Variants in ZFR observed in about 807,000 individuals in gnomAD.
The protein encoded by ZFR is zinc finger RNA-binding protein.
A neutral mutation model predicts 130.7 loss-of-function variants in ZFR; 19 were observed. The observed-to-expected ratio is 0.15, with a 90% CI of 0.10 to 0.21. The LOEUF (loss-of-function observed/expected upper bound fraction) is 0.21, where lower values mean the gene tolerates loss of function less well. Ranked by LOEUF, ZFR falls within the 10% of genes least tolerant of loss-of-function variation. The pLI is 1.00. For missense variants in ZFR, 872 were observed against 1,321.5 expected, an observed-to-expected ratio of 0.66 and a Z score of 5.27; for synonymous variants, 466 against 456.9, an observed-to-expected ratio of 1.02 and a Z score of -0.25.
intron 2 of ZFR, among the ~76,000 whole-genome samples, 172 bp downstream of exon 2, chr5:32,444,053 GGCAA>G: frequency 1.5e-5 from 2 of 130,092 alleles, no homozygotes; most frequent in Admixed American, 1.6e-4. Flanking sequence ...GGCCGGGCCG[GGCAA>G]GGCGGGGCGG....
intron 10 of ZFR, 63 bp downstream of exon 10, chr5:32,397,156 G>A: frequency 1.3e-6 from 2 of 1,535,056 alleles, no homozygotes; most frequent in Non-Finnish European, 1.8e-6. Flanking sequence ...CATAAAGAAT[G>A]CTCTGGGTGT....
At position 32,385,554 on chromosome 5, in the gene ZFR, G is replaced by A. The variant is rs1378431270; in HGVS notation, c.2595C>T (p.Ile865=). 6.2e-7 allele frequency: 1 copy of A among 1,613,426 alleles called. No homozygotes were observed. Among genetic ancestry groups the A allele is most frequent in the East Asian group, 2.2e-5 (1 of 44,840 alleles). The change falls in exon 15 of 20, where the codon ATC becomes ATT. Residue 865 remains isoleucine, a synonymous_variant. Coordinates refer to ENST00000265069, the MANE Select transcript of ZFR (RefSeq NM_016107.5). ...SCVEPKMQVT[I]TLTSPIIREE... ...CTCGAATAATTGGAGATGTCAGTGT[G>A]ATAGTGACTTGCATTTTGGGTTCCA...
At chr5:32,383,429 G>A (rs1752975060) in intron 15 of ZFR, among the ~76,000 whole-genome samples, 2 of 152,172 alleles carry the variant, frequency 1.3e-5, no homozygotes, top group Non-Finnish European at 2.9e-5. Context: ...AAGGGTTAGA[G>A]CATTCTGAAC....
Position 32,403,942 on chromosome 5 carries a change from C to T in ZFR, c.1188G>A (p.Ala396=), listed in dbSNP as rs1178525859. 10 of 1,604,472 alleles carry T rather than the reference C, an allele frequency of 6.2e-6. No individual in the cohort carries two copies. The highest frequency in any genetic ancestry group is 6.8e-6 in the Non-Finnish European group (8 of 1,175,348). Residue 396 remains alanine, a synonymous_variant, in exon 7 of 20, where the codon GCG becomes GCA. Transcript: ENST00000265069. ...TAGCACCACGAATGTGGGCAGCATA[C>T]GCATCTGCTCCTGTACAAGACACAT... ...LCDVSCTGAD[A]YAAHIRGAKH... is the part of the protein sequence containing the mutation.
chr5:32,435,450 C>G (rs1157026934), intron 2 of ZFR, among the ~76,000 whole-genome samples: 1 of 152,046 alleles, frequency 6.6e-6, no homozygotes, highest in Non-Finnish European at 1.5e-5. Flanking sequence ...ACTAGGATAA[C>G]CAGATATTCT....
At chr5:32,373,637 A>C (rs1254197540) in intron 17 of ZFR, among the ~76,000 whole-genome samples, 3 of 152,146 alleles carry the variant, frequency 2.0e-5, no homozygotes, top group African/African-American at 7.2e-5. Context: ...ATAAGGTAAT[A>C]AGTTATTAAT....
intron 19 of ZFR, among the ~76,000 whole-genome samples, chr5:32,356,198 CAAA>C (rs1752303959): frequency 1.3e-5 from 2 of 151,362 alleles, no homozygotes; most frequent in Non-Finnish European, 2.9e-5. Context: ...CACAAAATTA[CAAA>C]AATTATGAGA....
At chr5:32,376,364 G>C (rs759559169) in intron 17 of ZFR, among the ~76,000 whole-genome samples, 1 of 152,054 alleles carries the variant, frequency 6.6e-6, no homozygotes, top group Non-Finnish European at 1.5e-5. Context: ...CAAAGGAGAT[G>C]TGCCAGGCAC....
intron 4 of ZFR, among the ~76,000 whole-genome samples, chr5:32,415,785 T>C (rs868741624): frequency 1.3e-5 from 2 of 152,142 alleles, no homozygotes; most frequent in South Asian, 4.1e-4. Flanking sequence ...GTCAACTTCT[T>C]TGCTGCCTCT....
intron 2 of ZFR, among the ~76,000 whole-genome samples, chr5:32,430,113 C>A (rs1235648407): frequency 1.4e-5 from 2 of 138,746 alleles, no homozygotes; most frequent in African/African-American, 5.3e-5. Context: ...CACGATAAAA[C>A]CCAAGGGAAA....
intron 15 of ZFR, among the ~76,000 whole-genome samples, chr5:32,385,273 A>G (rs902201099): frequency 3.9e-5 from 6 of 152,106 alleles, no homozygotes; most frequent in Admixed American, 6.5e-5. Context: ...GCAAGAAAAG[A>G]AAGAAATCAA....
At chr5:32,356,034 G>C in intron 19 of ZFR, 95 bp from the exon 20 acceptor site, 1 of 952,158 alleles carries the variant, frequency 1.1e-6, no homozygotes, top group South Asian at 2.5e-5. Context: ...ACCTAAAAAA[G>C]CATGTGTAAT....
chr5:32,443,789 C>T (rs1429137503), intron 2 of ZFR, among the ~76,000 whole-genome samples: 1 of 152,242 alleles, frequency 6.6e-6, no homozygotes, highest in African/African-American at 2.4e-5. Flanking sequence ...AGTGGACCTG[C>T]GACACGGCAC....
chr5:32,410,650 G>T (rs554479023), intron 5 of ZFR, among the ~76,000 whole-genome samples: 87 of 152,160 alleles, frequency 5.7e-4, no homozygotes, highest in African/African-American at 2.1e-3. Context: ...AGAAGAGCTG[G>T]CATATAGCTT....
chr5:32,397,111 G>A, intron 10 of ZFR, 108 bp downstream of exon 10: 1 of 1,278,684 alleles, frequency 7.8e-7, no homozygotes, highest in South Asian at 1.8e-5. Context: ...GGGACATCAT[G>A]GACTTGGCAA....
chr5:32,369,249 G>A (rs1452239637), intron 17 of ZFR, among the ~76,000 whole-genome samples: 1 of 152,052 alleles, frequency 6.6e-6, no homozygotes, highest in African/African-American at 2.4e-5. Context: ...TGAGATGTCA[G>A]TGTCCTATCA....
chr5:32,371,882 T>C (rs1472803311), intron 17 of ZFR, among the ~76,000 whole-genome samples: 2 of 151,000 alleles, frequency 1.3e-5, no homozygotes, highest in African/African-American at 2.4e-5. Flanking sequence ...AAAAACTTCA[T>C]AGAGCCCCAA....
rs869249272 is a variant in ZFR, at chr5:32,438,253, A to ATT, written c.137+5974_137+5975dup. Among the ~76,000 whole-genome samples, 195 of 61,050 alleles carry ATT rather than the reference A, an allele frequency of 3.2e-3. 4 individuals carry two copies. Among genetic ancestry groups the ATT allele is most frequent in the African/African-American group, 7.3e-3 (102 of 13,950 alleles). The allele number at this position is 61,050 out of a possible 152,430, so 40.1% of individuals were successfully genotyped here. ...AGAATGCTACTGATTTTATCTGAAA[A>ATT]TTTTTTTTTTTTTTTTTTTTTTTTT... On this transcript the variant is annotated intron_variant, in intron 2 of 19. Coordinates refer to ENST00000265069, the MANE Select transcript of ZFR (RefSeq NM_016107.5).
intron 17 of ZFR, among the ~76,000 whole-genome samples, chr5:32,375,845 T>C (rs902132916): frequency 6.0e-5 from 9 of 150,576 alleles, no homozygotes; most frequent in Non-Finnish European, 1.3e-4. Context: ...GTTTTTAAAT[T>C]AGTTTTTTTT....
Sources: gnomAD v4.1 joint callset for allele counts (sites outside exome capture counted in the v4.1 genomes callset) on GRCh38, gnomAD v4.1.1 for gene constraint, MANE v1.5 for transcripts, NCBI Gene and HGNC (gene_info 2026-07-23, HGNC 2026-07-21) for gene names.